PLEKHA6: variants seen among roughly 807,000 people sequenced by gnomAD.
The protein encoded by PLEKHA6 is pleckstrin homology domain containing A6.
In PLEKHA6, 60 loss-of-function variants were observed where a neutral mutation model predicts 116.7. That is an observed-to-expected ratio of 0.51 (90% CI 0.42 to 0.64). The LOEUF is 0.64. PLEKHA6 is among the 30% of genes least tolerant of loss of function. The probability of loss-of-function intolerance (pLI) is 0.00; values close to 1 mark genes in which losing one functional copy is unlikely to be tolerated. For synonymous variants in PLEKHA6, 489 were observed against 556.1 expected (o/e 0.88, Z 1.70); for missense variants, 1,338 against 1,422.7 (o/e 0.94, Z 0.96).
chr1:204,341,310 C>T (rs1672838259), intron 1 of PLEKHA6, among the ~76,000 whole-genome samples: 1 of 152,154 alleles, frequency 6.6e-6, no homozygotes, highest in Admixed American at 6.5e-5. Flanking sequence ...GTTGGGTACC[C>T]ACCAGAGACC....
In PLEKHA6 at chr1:204,309,806, C is replaced by G. The variant is rs937295840; in HGVS notation, c.-94-34997G>C. 1.8e-5 allele frequency: 10 copies of G among 543,238 alleles called. No homozygotes were observed. In the East Asian group the frequency reaches 5.8e-4, roughly 32 times the overall value. The allele number at this position is 543,238 out of a possible 1,614,324, so 33.7% of individuals were successfully genotyped here. A position where few individuals can be genotyped will look rare whatever the true frequency, so the allele number is the denominator to read the frequency against. ...TTTGCCTAGAGCAGGAGTCAGCAAA[C>G]TTTTTATGTAAAGGGTTAGATATAT... On this transcript the variant is annotated intron_variant, in intron 1 of 22. Coordinates refer to ENST00000272203, the MANE Select transcript of PLEKHA6 (RefSeq NM_014935.5).
At chr1:204,233,595 G>A (rs959623335) in intron 17 of PLEKHA6, among the ~76,000 whole-genome samples, 1 of 151,948 alleles carries the variant, frequency 6.6e-6, no homozygotes, top group South Asian at 2.1e-4. Flanking sequence ...ATGAGCCACC[G>A]CACCCAGCCC....
chr1:204,336,321 C>T (rs187065224), intron 1 of PLEKHA6, among the ~76,000 whole-genome samples: 17 of 152,348 alleles, frequency 1.1e-4, no homozygotes, highest in Non-Finnish European at 2.1e-4. Context: ...TCCAATCATG[C>T]CCTGGCTCAC....
intron 5 of PLEKHA6, among the ~76,000 whole-genome samples, chr1:204,266,966 T>C (rs1189216579): frequency 1.3e-5 from 2 of 152,182 alleles, no homozygotes; most frequent in Non-Finnish European, 2.9e-5. Context: ...TGTTCACTCA[T>C]TCAGTATTGA....
Position 204,249,170 on chromosome 1 carries a change from C to A in PLEKHA6, c.1674+14G>T, listed in dbSNP as rs1664196720. On this transcript the variant is annotated intron_variant, in intron 11 of 22. Transcript: ENST00000272203. ...CCCATCTGCCCCAGCTTAAAGCCAC[C>A]CCCAGCTTCTCACCTTCTCAGCTCG... 4.4e-6 allele frequency: 7 copies of A among 1,607,326 alleles called. No individual in the cohort carries two copies. The highest frequency in any genetic ancestry group is 6.0e-6 in the Non-Finnish European group (7 of 1,174,466).
chr1:204,354,103 G>A (rs910308566), intron 1 of PLEKHA6, among the ~76,000 whole-genome samples: 16 of 152,212 alleles, frequency 1.1e-4, no homozygotes, highest in African/African-American at 3.9e-4. Context: ...AATTATAGAT[G>A]CCTGTTCTTC....
At chr1:204,331,412 C>T (rs992799091) in intron 1 of PLEKHA6, among the ~76,000 whole-genome samples, 1 of 152,094 alleles carries the variant, frequency 6.6e-6, no homozygotes, top group Non-Finnish European at 1.5e-5. Context: ...CCCAGCGACC[C>T]ATGCTACAGC....
chr1:204,312,900 C>CTTTTTTTTCTTTTT (rs1671712820), intron 1 of PLEKHA6, among the ~76,000 whole-genome samples: 1 of 135,076 alleles, frequency 7.4e-6, no homozygotes, highest in Admixed American at 7.3e-5. Flanking sequence ...TTTTTCTTTT[C>CTTTTTTTTCTTTTT]CTTTCCCTCC....
intron 17 of PLEKHA6, among the ~76,000 whole-genome samples, chr1:204,232,968 A>T (rs1466131289): frequency 6.6e-6 from 1 of 152,036 alleles, no homozygotes; most frequent in East Asian, 1.9e-4. Flanking sequence ...TTTATTTTTT[A>T]AAATTTATTT....
intron 3 of PLEKHA6, among the ~76,000 whole-genome samples, chr1:204,273,279 C>T (rs1283233703): frequency 6.6e-6 from 1 of 152,230 alleles, no homozygotes; most frequent in African/African-American, 2.4e-5. Context: ...TTGACAGTCA[C>T]CCCTGGAAAA....
chr1:204,228,149 C>G lies in PLEKHA6; in HGVS notation c.2965G>C (p.Glu989Gln), dbSNP rs1660632515. 1 of 1,613,408 alleles carries G rather than the reference C, an allele frequency of 6.2e-7. No individual in the cohort carries two copies. Among genetic ancestry groups the G allele is most frequent in the South Asian group, 1.1e-5 (1 of 91,012 alleles). ...GCGCAGGAGATTTCAATCCGCTTCTCCTGCTCCTGCAGCTGGCTCTCTGAG... is the reference window on the plus strand; with the variant it reads ...GCGCAGGAGATTTCAATCCGCTTCTGCTGCTCCTGCAGCTGGCTCTCTGAG... ...QDSESQLQEQEKRIEISCALA... is the reference protein window; with the variant it reads ...QDSESQLQEQQKRIEISCALA... The change falls in exon 21 of 23, where the codon GAG becomes CAG. Residue 989 changes from glutamate (E) to glutamine (Q), a missense_variant. Transcript: ENST00000272203. This position sits in a 1 kb window ranked among gnomAD's most constrained non-coding sequence, Gnocchi z 4.0.
At chr1:204,230,683 G>T in intron 17 of PLEKHA6, 97 bp from the exon 18 acceptor site, 3 of 1,052,856 alleles carry the variant, frequency 2.8e-6, no homozygotes, top group African/African-American at 1.6e-5. Context: ...CGGGAAGTCT[G>T]CCTGTAGTGG....
At chr1:204,280,956 A>G in intron 1 of PLEKHA6, 1 of 964,680 alleles carries the variant, frequency 1.0e-6, no homozygotes, top group Non-Finnish European at 1.2e-6. Context: ...CTGCCACATA[A>G]AGAAGAGGTC....
At chr1:204,331,365 A>G (rs2103270141) in intron 1 of PLEKHA6, among the ~76,000 whole-genome samples, 1 of 152,248 alleles carries the variant, frequency 6.6e-6, no homozygotes, top group East Asian at 1.9e-4. Context: ...AACACAGAAG[A>G]GCTAAGCACC....
At chr1:204,374,114 A>G (rs1436344348) in intron 1 of PLEKHA6, among the ~76,000 whole-genome samples, 6 of 151,882 alleles carry the variant, frequency 4.0e-5, no homozygotes, top group African/African-American at 1.5e-4. Context: ...ACATTCCACC[A>G]CAGCCCTCAA....
At position 204,228,524 on chromosome 1, in the gene PLEKHA6, G is replaced by A. The variant is rs1205057247; in HGVS notation, c.2885+204C>T. Among the ~76,000 whole-genome samples the A allele has an allele frequency of 3.3e-5, 5 of 152,142 alleles. No individual in the cohort carries two copies. Among genetic ancestry groups the A allele is most frequent in the Admixed American group, 1.3e-4 (2 of 15,288 alleles). On this transcript the variant is annotated intron_variant, in intron 20 of 22. Transcript: ENST00000272203. The surrounding 1 kb of genome is among the most constrained non-coding windows in gnomAD (Gnocchi z 4.0). ...TTCAGTTTTGTCTCGATGGTGTGGT[G>A]TGCACGAGCCTGGCAGGTCTTAGTA...
chr1:204,256,450 G>GA (rs1338546818), intron 9 of PLEKHA6, among the ~76,000 whole-genome samples: 1 of 152,148 alleles, frequency 6.6e-6, no homozygotes, highest in Non-Finnish European at 1.5e-5. Context: ...TGCTTCAGGG[G>GA]AAAAAAGTTT....
intron 1 of PLEKHA6, among the ~76,000 whole-genome samples, chr1:204,372,771 A>G (rs973148704): frequency 3.8e-4 from 56 of 149,284 alleles, no homozygotes; most frequent in African/African-American, 1.3e-3. Context: ...AGCTCTTTCT[A>G]TCCTCACCCC....
chr1:204,244,499 C>G (rs536835780), intron 15 of PLEKHA6, among the ~76,000 whole-genome samples: 2 of 152,150 alleles, frequency 1.3e-5, no homozygotes, highest in African/African-American at 4.8e-5. Flanking sequence ...CCAGAAAACA[C>G]TTGCTGATTG....
Sources: gnomAD v4.1 joint callset for allele counts (sites outside exome capture counted in the v4.1 genomes callset) on GRCh38, gnomAD v4.1.1 for gene constraint, Gnocchi (gnomAD v3.1) non-coding constraint, MANE v1.5 for transcripts, NCBI Gene and HGNC (gene_info 2026-07-23, HGNC 2026-07-21) for gene names.